Variants in AGK observed in about 807,000 individuals in gnomAD.
The protein encoded by AGK is acylglycerol kinase, mitochondrial.
AGK carries 52 observed loss-of-function variants against 66.4 expected under a neutral mutation model. That is an observed-to-expected ratio of 0.78 (90% confidence interval 0.63 to 0.99). The LOEUF is 0.99. Ranked by LOEUF, AGK falls within the 50% of genes least tolerant of loss-of-function variation. The probability of loss-of-function intolerance (pLI) is 0.00; values close to 1 mark genes in which losing one functional copy is unlikely to be tolerated. For missense variants in AGK, 451 were observed against 506.6 expected, an observed-to-expected ratio of 0.89 and a Z score of 1.05; for synonymous variants, 182 against 181.1, an observed-to-expected ratio of 1.00 and a Z score of -0.04.
intron 2 of AGK, among the ~76,000 whole-genome samples, chr7:141,570,177 G>A (rs889438936): frequency 7.9e-5 from 12 of 152,110 alleles, no homozygotes; most frequent in Non-Finnish European, 1.5e-4. Flanking sequence ...CACGAGGTCA[G>A]GAGTTTGAGA....
At chr7:141,647,070 AC>A (rs1268097458) in intron 13 of AGK, among the ~76,000 whole-genome samples, 11 of 136,774 alleles carry the variant, frequency 8.0e-5, no homozygotes, top group Non-Finnish European at 1.3e-4. Flanking sequence ...CTCTCTAACT[AC>A]CCCCCCACCC....
intron 14 of AGK, 62 bp from the exon 15 acceptor site, chr7:141,651,463 T>G: frequency 7.1e-7 from 1 of 1,404,090 alleles, no homozygotes; most frequent in Non-Finnish European, 1.0e-6. Flanking sequence ...AGTTGCTACA[T>G]TGTTGCAACC....
chr7:141,575,236 A>G (rs1028489518), intron 2 of AGK, among the ~76,000 whole-genome samples: 24 of 152,198 alleles, frequency 1.6e-4, no homozygotes, highest in African/African-American at 5.8e-4. Flanking sequence ...ATTGAGGGGG[A>G]AAATGCCATG....
chr7:141,609,375 G>C (rs541217275), intron 5 of AGK, among the ~76,000 whole-genome samples: 2 of 152,218 alleles, frequency 1.3e-5, no homozygotes, highest in Admixed American at 6.5e-5. Context: ...ACAAATCCAG[G>C]GTTCTCCCAA....
At chr7:141,632,988 GAC>G (rs1379910101) in intron 9 of AGK, among the ~76,000 whole-genome samples, 1 of 152,216 alleles carries the variant, frequency 6.6e-6, no homozygotes, top group East Asian at 1.9e-4. Context: ...TTGCGGAGAA[GAC>G]AGCATGCTTT....
chr7:141,612,525 G>A (rs1430374796), intron 6 of AGK, among the ~76,000 whole-genome samples: 2 of 152,212 alleles, frequency 1.3e-5, no homozygotes, highest in African/African-American at 2.4e-5. Context: ...TAGTGTAAAC[G>A]ATGGACTTTG....
intron 1 of AGK, among the ~76,000 whole-genome samples, chr7:141,552,597 C>T (rs757230317): frequency 2.6e-5 from 4 of 152,166 alleles, no homozygotes; most frequent in Non-Finnish European, 4.4e-5. Context: ...ATTTTTACTC[C>T]GCTGTTGATG....
At chr7:141,636,857 T>C (rs1797182284) in intron 10 of AGK, 103 bp from the exon 11 acceptor site, 1 of 912,552 alleles carries the variant, frequency 1.1e-6, no homozygotes, top group Non-Finnish European at 1.7e-6. Flanking sequence ...TAGCCACTCA[T>C]AGCAGAGATG....
chr7:141,581,174 T>TG (rs1302291837), intron 2 of AGK, among the ~76,000 whole-genome samples: 3 of 151,830 alleles, frequency 2.0e-5, no homozygotes, highest in Non-Finnish European at 4.4e-5. Context: ...ACTGAAGTAA[T>TG]GGGGGCTGTC....
chr7:141,632,044 C>T (rs1480767633), intron 9 of AGK, among the ~76,000 whole-genome samples: 1 of 152,002 alleles, frequency 6.6e-6, no homozygotes, highest in African/African-American at 2.4e-5. Flanking sequence ...GCCTGGTCAA[C>T]ATGGTGAAAC....
At chr7:141,572,226 C>T (rs1402646986) in intron 2 of AGK, among the ~76,000 whole-genome samples, 1 of 152,180 alleles carries the variant, frequency 6.6e-6, no homozygotes, top group Non-Finnish European at 1.5e-5. Context: ...TGCAGCACAC[C>T]TGTGCAGCAG....
At position 141,611,245 on chromosome 7, in the gene AGK, G is replaced by A. The variant is rs780162786; in HGVS notation, c.348G>A (p.Thr116=). 10 of 1,613,416 alleles carry A rather than the reference G, an allele frequency of 6.2e-6. No homozygotes were observed. Among genetic ancestry groups the A allele is most frequent in the Middle Eastern group, 1.6e-4 (1 of 6,078 alleles). ...AACTCCTGGAACTGATGGAAAACAC[G>A]GATGTGATCATTGTTGCAGGAGGAG... ...AKKLLELMEN[T]DVIIVAGGDG... is the part of the protein sequence containing the mutation. Residue 116 remains threonine, a synonymous_variant, in exon 6 of 16, where the codon ACG becomes ACA. Transcript: ENST00000649286.
chr7:141,639,258 T>G (rs1217546674), intron 11 of AGK, among the ~76,000 whole-genome samples: 3 of 152,042 alleles, frequency 2.0e-5, no homozygotes, highest in Non-Finnish European at 4.4e-5. Flanking sequence ...TGTAAAGAAG[T>G]GGAGACAGCA....
chr7:141,566,243 A>C (rs1475965283), intron 2 of AGK, among the ~76,000 whole-genome samples: 1 of 152,184 alleles, frequency 6.6e-6, no homozygotes, highest in Non-Finnish European at 1.5e-5. Context: ...TAGTACTATG[A>C]ACTCCTCCTA....
chr7:141,599,647 C>T (rs1315014507), intron 4 of AGK, among the ~76,000 whole-genome samples: 1 of 152,090 alleles, frequency 6.6e-6, no homozygotes, highest in Non-Finnish European at 1.5e-5. Flanking sequence ...AGATCTGATC[C>T]ACTTCCAACT....
intron 5 of AGK, among the ~76,000 whole-genome samples, chr7:141,604,376 A>ATG (rs1347523539): frequency 9.7e-4 from 105 of 108,430 alleles, no homozygotes; most frequent in Middle Eastern, 4.5e-3. Flanking sequence ...GTGTGTGTGT[A>ATG]TATATATATA....
chr7:141,614,172 A>G lies in AGK; in HGVS notation c.417A>G (p.Thr139=), dbSNP rs770346247. ...QEVVTGVLRR[T]DEATFSKIPI... is the part of the protein sequence containing the mutation. ...TTGTTACTGGTGTTCTTCGACGAACAGATGAGGTGAGCATTAAAGAGTAAT... is the reference window on the plus strand; with the variant it reads ...TTGTTACTGGTGTTCTTCGACGAACGGATGAGGTGAGCATTAAAGAGTAAT... Residue 139 remains threonine (T), a synonymous_variant, in exon 7 of 16, where the codon ACA becomes ACG. Coordinates refer to ENST00000649286, the MANE Select transcript of AGK (RefSeq NM_018238.4). 6.5e-7 allele frequency: 1 copy of G among 1,536,954 alleles called. No homozygotes were observed. The highest frequency in any genetic ancestry group is 8.8e-7 in the Non-Finnish European group (1 of 1,131,380).
At chr7:141,627,269 T>G (rs1273088074) in intron 9 of AGK, among the ~76,000 whole-genome samples, 2 of 152,122 alleles carry the variant, frequency 1.3e-5, no homozygotes, top group Non-Finnish European at 2.9e-5. Flanking sequence ...AGCGATTCCT[T>G]TTTCATCTAA....
intron 9 of AGK, among the ~76,000 whole-genome samples, chr7:141,624,923 C>T (rs35992712): frequency 0.083 from 12,621 of 152,192 alleles, 1,098 homozygotes; most frequent in African/African-American, 0.22. Context: ...AGTCAACAGA[C>T]ATTGCAAACT....
Sources: gnomAD v4.1 joint callset for allele counts (sites outside exome capture counted in the v4.1 genomes callset) on GRCh38, gnomAD v4.1.1 for gene constraint, MANE v1.5 for transcripts, NCBI Gene and HGNC (gene_info 2026-07-23, HGNC 2026-07-21) for gene names.